Variants in FHIT observed in about 807,000 individuals in gnomAD.
FHIT encodes the protein bis(5'-adenosyl)-triphosphatase.
Under a neutral mutation model 17.9 loss-of-function variants are expected in FHIT, and 19 were observed. The observed-to-expected ratio is 1.06, with a 90% CI of 0.74 to 1.56. FHIT has a LOEUF of 1.56. FHIT is among the 40% of genes most tolerant of loss of function. FHIT has a pLI of 0.00. For missense variants in FHIT, 248 were observed against 189.2 expected, an observed-to-expected ratio of 1.31 and a Z score of -1.82; for synonymous variants, 81 against 69.7, an observed-to-expected ratio of 1.16 and a Z score of -0.81.
At chr3:60,430,938 G>A (rs757463345) in intron 5 of FHIT, among the ~76,000 whole-genome samples, 2 of 151,902 alleles carry the variant, frequency 1.3e-5, no homozygotes, top group Non-Finnish European at 2.9e-5. Flanking sequence ...TGGGCCAGGT[G>A]CGGTGGCTCA....
rs922053403 is a variant in FHIT at position 60,690,093 on chromosome 3, A to G, written c.-18+131826T>C. 20 of 270,966 alleles carry G rather than the reference A, an allele frequency of 7.4e-5. No homozygotes were observed. In the East Asian group the frequency reaches 1.6e-3, roughly 22 times the overall value. 16.8% of individuals were successfully genotyped at this position (270,966 alleles called of 1,614,324 possible). A position where few individuals can be genotyped will look rare whatever the true frequency, so the allele number is the denominator to read the frequency against. ...AGGCATGGAAGGGAACAAGGAAAAC[A>G]TGGAACCCAAAGGGAACTGCAGTGA... On this transcript the variant is annotated intron_variant, in intron 4 of 9. Coordinates refer to ENST00000492590, the MANE Select transcript of FHIT (RefSeq NM_002012.4).
At chr3:60,706,519 G>T (rs1306513526) in intron 4 of FHIT, among the ~76,000 whole-genome samples, 3 of 152,184 alleles carry the variant, frequency 2.0e-5, no homozygotes, top group African/African-American at 7.2e-5. Context: ...CTTTGGGTTA[G>T]AATGAACACT....
At chr3:60,063,572 T>G (rs140823535) in intron 5 of FHIT, among the ~76,000 whole-genome samples, 1 of 152,152 alleles carries the variant, frequency 6.6e-6, no homozygotes, top group African/African-American at 2.4e-5. Context: ...TAGAAGGCCA[T>G]TGAAAGATAA....
At chr3:60,743,754 AAG>A (rs1379702000) in intron 4 of FHIT, among the ~76,000 whole-genome samples, 1 of 152,188 alleles carries the variant, frequency 6.6e-6, no homozygotes, top group African/African-American at 2.4e-5. Context: ...TGGAGGAATT[AAG>A]AGAGATGAGG....
chr3:60,653,869 A>G (rs1444327518), intron 4 of FHIT, among the ~76,000 whole-genome samples: 3 of 152,182 alleles, frequency 2.0e-5, no homozygotes. Context: ...TCACCCTGAT[A>G]TGGCTTGGAT....
At chr3:61,232,247 C>A (rs987966396) in intron 1 of FHIT, among the ~76,000 whole-genome samples, 3 of 152,096 alleles carry the variant, frequency 2.0e-5, no homozygotes, top group African/African-American at 7.2e-5. Flanking sequence ...ATCATCCAGA[C>A]ACCATGGTGT....
At chr3:60,721,927 T>C (rs1478843716) in intron 4 of FHIT, among the ~76,000 whole-genome samples, 1 of 152,196 alleles carries the variant, frequency 6.6e-6, no homozygotes, top group African/African-American at 2.4e-5. Flanking sequence ...TCATGCTTAA[T>C]AGTTCAAATT....
intron 4 of FHIT, among the ~76,000 whole-genome samples, chr3:60,567,564 A>C (rs1034069922): frequency 2.0e-5 from 3 of 152,180 alleles, no homozygotes; most frequent in African/African-American, 7.2e-5. Context: ...TTCATGTCCA[A>C]AACACTAAAA....
intron 8 of FHIT, among the ~76,000 whole-genome samples, chr3:59,759,420 T>C (rs1701388384): frequency 6.6e-6 from 1 of 152,146 alleles, no homozygotes; most frequent in Non-Finnish European, 1.5e-5. Flanking sequence ...ATAGGCTAGT[T>C]AGCGTCATGG....
chr3:60,341,889 T>A (rs1263455338), intron 5 of FHIT, among the ~76,000 whole-genome samples: 1 of 152,216 alleles, frequency 6.6e-6, no homozygotes, highest in African/African-American at 2.4e-5. Context: ...TGCAGAATTT[T>A]GTTCCTTAGT....
intron 5 of FHIT, among the ~76,000 whole-genome samples, chr3:60,452,683 A>G (rs1010217374): frequency 6.6e-6 from 1 of 152,180 alleles, no homozygotes; most frequent in Non-Finnish European, 1.5e-5. Context: ...TCTTGTTTAC[A>G]TTATTAATTT....
intron 8 of FHIT, among the ~76,000 whole-genome samples, chr3:59,758,995 A>C (rs1320414883): frequency 6.6e-6 from 1 of 152,274 alleles, no homozygotes; most frequent in Non-Finnish European, 1.5e-5. Flanking sequence ...ACTCCGTCAA[A>C]AAATGGTATG....
chr3:60,473,278 A>AT (rs1376683153), intron 5 of FHIT, among the ~76,000 whole-genome samples: 2 of 152,214 alleles, frequency 1.3e-5, no homozygotes, highest in African/African-American at 2.4e-5. Flanking sequence ...TCAAAGAGTA[A>AT]TTAAAGCACT....
intron 8 of FHIT, among the ~76,000 whole-genome samples, chr3:59,795,196 G>A (rs1290253873): frequency 2.0e-5 from 3 of 152,054 alleles, no homozygotes; most frequent in African/African-American, 7.2e-5. Flanking sequence ...GACCAGCCTG[G>A]CCAACATGGT....
intron 3 of FHIT, among the ~76,000 whole-genome samples, chr3:60,894,399 TAC>T (rs1705679384): frequency 6.6e-6 from 1 of 152,158 alleles, no homozygotes; most frequent in South Asian, 2.1e-4. Context: ...ACAATTATGG[TAC>T]TTCCAGGAGA....
chr3:61,166,055 G>A (rs1291346710), intron 2 of FHIT, among the ~76,000 whole-genome samples: 1 of 152,114 alleles, frequency 6.6e-6, no homozygotes, highest in Non-Finnish European at 1.5e-5. Flanking sequence ...GCGTGCATAG[G>A]GCTCTTAGGA....
intron 8 of FHIT, among the ~76,000 whole-genome samples, chr3:59,770,634 T>C (rs1048975784): frequency 6.6e-6 from 1 of 152,174 alleles, no homozygotes. Context: ...GCCAGAACTG[T>C]AAAACGACAA....
In FHIT at chr3:60,124,043, G is replaced by GAC. The variant is rs1559653942; in HGVS notation, c.104-109892_104-109891insGT. On this transcript the variant is annotated intron_variant, in intron 5 of 9. Transcript: ENST00000492590. ...AGAGAGAGAGAGAGAGAGAGAGAGA[G>GAC]AGAGAGAGAGAGACAGAGAGAGAGA... Among the ~76,000 whole-genome samples the GAC allele has an allele frequency of 1.1e-3, 131 of 115,428 alleles. 1 individual carries two copies. Among genetic ancestry groups the GAC allele is most frequent in the African/African-American group, 4.1e-3 (121 of 29,866 alleles). The allele number at this position is 115,428 out of a possible 152,430, so 75.7% of individuals were successfully genotyped here.
At chr3:60,590,263 C>T (rs1340415432) in intron 4 of FHIT, among the ~76,000 whole-genome samples, 1 of 152,142 alleles carries the variant, frequency 6.6e-6, no homozygotes, top group Non-Finnish European at 1.5e-5. Flanking sequence ...ATTCAAATGA[C>T]ATCTACTCAC....
Sources: allele counts gnomAD v4.1 joint callset (sites outside exome capture counted in the v4.1 genomes callset), GRCh38; gene constraint gnomAD v4.1.1; transcripts MANE v1.5; gene names NCBI Gene and HGNC (gene_info 2026-07-23, HGNC 2026-07-21).